MYO9B: variants seen among roughly 807,000 people sequenced by gnomAD.
MYO9B encodes the protein myosin IXB, also known as unconventional myosin-IXb.
In MYO9B, 71 loss-of-function variants were observed where a neutral mutation model predicts 229.5. That is an observed-to-expected ratio of 0.31 (90% CI 0.26 to 0.38). The LOEUF is 0.38. Ranked by LOEUF, MYO9B falls within the 10% of genes least tolerant of loss-of-function variation. MYO9B has a pLI of 1.00. For missense variants in MYO9B, 2,255 were observed against 2,920.5 expected, an observed-to-expected ratio of 0.77 and a Z score of 5.25; for synonymous variants, 1,185 against 1,235.8, an observed-to-expected ratio of 0.96 and a Z score of 0.86.
At chr19:17,187,020 G>A (rs1259199865) in intron 18 of MYO9B, among the ~76,000 whole-genome samples, 3 of 152,050 alleles carry the variant, frequency 2.0e-5, no homozygotes, top group African/African-American at 4.8e-5. Flanking sequence ...AAGCCACCGC[G>A]CCCAGCACCG....
chr19:17,101,694 T>C lies in MYO9B; in HGVS notation c.-24T>C. 6.5e-7 allele frequency: 1 copy of C among 1,539,976 alleles called. No homozygotes were observed. Among genetic ancestry groups the C allele is most frequent in the Non-Finnish European group, 8.7e-7 (1 of 1,148,030 alleles). On this transcript the variant is annotated 5_prime_UTR_variant, in exon 2 of 40. It removes an upstream start codon present in the reference 5' UTR. Transcript: ENST00000682292. This position sits in a 1 kb window ranked among gnomAD's most constrained non-coding sequence, Gnocchi z 4.7. ...ACGCGCGCCCCGAGCCTGGGAGGCA[T>C]GCTGAAGCCAGGCGGCCGGCAGGAT...
intron 2 of MYO9B, among the ~76,000 whole-genome samples, chr19:17,128,893 T>C (rs1262840227): frequency 6.6e-6 from 1 of 152,340 alleles, no homozygotes; most frequent in Admixed American, 6.5e-5. Context: ...ATCTCCCTCT[T>C]TCAGCCCCTT....
chr19:17,202,395 G>A (rs990670939), intron 28 of MYO9B, 92 bp downstream of exon 28: 43 of 1,291,604 alleles, frequency 3.3e-5, no homozygotes, highest in Non-Finnish European at 4.2e-5. Context: ...GCCTCACCAT[G>A]CTTATGCCAC....
chr19:17,086,888 A>AG (rs1358828422), intron 1 of MYO9B, among the ~76,000 whole-genome samples: 1 of 151,682 alleles, frequency 6.6e-6, no homozygotes, highest in East Asian at 1.9e-4. Context: ...TCAAAAAAAA[A>AG]AAAAGTCTCC....
chr19:17,140,155 C>G (rs896742924), intron 2 of MYO9B, among the ~76,000 whole-genome samples: 1 of 152,084 alleles, frequency 6.6e-6, no homozygotes, highest in African/African-American at 2.4e-5. Context: ...CTTATGGGAC[C>G]ACCGTCATAT....
At chr19:17,184,556 G>A (rs1599403040) in intron 16 of MYO9B, 1 of 312,868 alleles carries the variant, frequency 3.2e-6, no homozygotes, top group East Asian at 6.4e-5. Flanking sequence ...GCAGAGGAGA[G>A]GGACGGCCAG....
chr19:17,204,852 CA>C (rs1179583153), intron 30 of MYO9B, among the ~76,000 whole-genome samples: 11 of 151,894 alleles, frequency 7.2e-5, no homozygotes, highest in Non-Finnish European at 1.3e-4. Flanking sequence ...AAAGAGAAAC[CA>C]AAAAGAAGGC....
chr19:17,205,859 C>T (rs908418810), intron 31 of MYO9B, 101 bp from the exon 32 acceptor site: 5 of 1,169,652 alleles, frequency 4.3e-6, no homozygotes, highest in Non-Finnish European at 5.9e-6. Flanking sequence ...GCAGAGGAAG[C>T]CCTGAGGGCC....
At position 17,079,867 on chromosome 19, in the gene MYO9B, T is replaced by TTCTCTTCTGCCC. The variant is rs1421597340; in HGVS notation, c.-59+3996_-59+4007dup. Among the ~76,000 whole-genome samples the TTCTCTTCTGCCC allele has an allele frequency of 2.6e-5, 4 of 152,312 alleles. No individual in the cohort carries two copies. The East Asian group carries it at 7.7e-4, about 29-fold the overall frequency. On this transcript the variant is annotated intron_variant, in intron 1 of 39. Coordinates refer to ENST00000682292, the MANE Select transcript of MYO9B (RefSeq NM_004145.4). ...CCTCTCGGCAAAGCAAGACAAGCCC[T>TTCTCTTCTGCCC]TCTCTTCTGCCCTCGTGGTCCCTGG...
chr19:17,162,880 G>A lies in MYO9B; in HGVS notation c.1537-108G>A, dbSNP rs895625451. 4.0e-6 allele frequency: 5 copies of A among 1,241,134 alleles called. No individual in the cohort carries two copies. In the African/African-American group the frequency reaches 4.6e-5, roughly 11 times the overall value. 76.9% of individuals were successfully genotyped at this position (1,241,134 alleles called of 1,614,324 possible). A position where few individuals can be genotyped will look rare whatever the true frequency, so the allele number is the denominator to read the frequency against. On this transcript the variant is annotated intron_variant, in intron 9 of 39. Coordinates refer to ENST00000682292, the MANE Select transcript of MYO9B (RefSeq NM_004145.4). The stretch of plus-strand genomic sequence containing the variant: ...GGCAAAGTGTTCTGCCGAGCAACAG[G>A]GACTGGGGACCTAACAGGTCACAGC...
intron 1 of MYO9B, among the ~76,000 whole-genome samples, chr19:17,088,717 A>T (rs2057608169): frequency 6.7e-6 from 1 of 149,632 alleles, no homozygotes; most frequent in Non-Finnish European, 1.5e-5. Flanking sequence ...GAGAAACAGG[A>T]TCTGTCTCTG....
intron 31 of MYO9B, 58 bp from the exon 32 acceptor site, chr19:17,205,902 G>A: frequency 2.0e-6 from 3 of 1,487,636 alleles, no homozygotes; most frequent in South Asian, 2.7e-5. Context: ...GGCCCCCAGA[G>A]ACAGCTGGAG....
At chr19:17,205,844 G>A (rs2073153986) in intron 31 of MYO9B, 116 bp from the exon 32 acceptor site, 5 of 1,032,056 alleles carry the variant, frequency 4.8e-6, no homozygotes, top group Non-Finnish European at 6.8e-6. Context: ...GGGAGGGACA[G>A]AACAGCAGAG....
intron 1 of MYO9B, among the ~76,000 whole-genome samples, chr19:17,098,478 A>C (rs985869736): frequency 1.3e-5 from 2 of 152,154 alleles, no homozygotes; most frequent in Non-Finnish European, 2.9e-5. Context: ...GTCTGTTTGC[A>C]TACCAGTCTC....
chr19:17,212,167 T>A lies in MYO9B; in HGVS notation c.6331T>A (p.Tyr2111Asn). ...ARRPDQIHSVYITPGADLPVQ... is the reference protein window; with the variant it reads ...ARRPDQIHSVNITPGADLPVQ... ...CCGCCCGGACCAGATACATTCCGTGTACATCACGCCCGGGGCAGACCTGCC... is the reference window on the plus strand; with the variant it reads ...CCGCCCGGACCAGATACATTCCGTGAACATCACGCCCGGGGCAGACCTGCC... The change falls in exon 40 of 40, where the codon TAC (tyrosine) becomes AAC (asparagine). Residue 2111 changes from tyrosine to asparagine, a missense_variant. Coordinates refer to ENST00000682292, the MANE Select transcript of MYO9B (RefSeq NM_004145.4). This position sits in a 1 kb window ranked among gnomAD's most constrained non-coding sequence, Gnocchi z 5.4. 6.3e-7 allele frequency: 1 copy of A among 1,583,944 alleles called. No homozygotes were observed. Among genetic ancestry groups the A allele is most frequent in the African/African-American group, 1.3e-5 (1 of 74,238 alleles).
intron 1 of MYO9B, among the ~76,000 whole-genome samples, chr19:17,082,675 T>C (rs2057544071): frequency 6.6e-6 from 1 of 152,134 alleles, no homozygotes; most frequent in African/African-American, 2.4e-5. Context: ...CTGGGGTCCT[T>C]GTCTTGTCAC....
intron 35 of MYO9B, chr19:17,207,840 GTC>G (rs1384994306): frequency 2.6e-5 from 4 of 152,012 alleles, no homozygotes; most frequent in African/African-American, 9.7e-5. Flanking sequence ...GAGAAATCCT[GTC>G]TCTACTAAAA....
chr19:17,210,427 T>G, intron 37 of MYO9B, 47 bp downstream of exon 37: 1 of 1,533,000 alleles, frequency 6.5e-7, no homozygotes, highest in African/African-American at 1.4e-5. Flanking sequence ...CCCGGTGCAG[T>G]GCATGCTGGG....
chr19:17,175,822 T>TTC lies in MYO9B; in HGVS notation c.2219+83_2219+84dup. 4 of 854,214 alleles carry TTC rather than the reference T, an allele frequency of 4.7e-6. No individual in the cohort carries two copies. The South Asian group carries it at 7.6e-5, about 16-fold the overall frequency. The allele number at this position is 854,214 out of a possible 1,614,324, so 52.9% of individuals were successfully genotyped here. On this transcript the variant is annotated intron_variant, in intron 14 of 39. Transcript: ENST00000682292. ...TTCAAACAACTTAGGGAATGCTACA[T>TTC]TCTTTTTTTTTTTTTTTTTTTTCTT...
Sources: gnomAD v4.1 joint callset for allele counts (sites outside exome capture counted in the v4.1 genomes callset) on GRCh38, gnomAD v4.1.1 for gene constraint, Gnocchi (gnomAD v3.1) non-coding constraint, MANE v1.5 for transcripts, NCBI Gene and HGNC (gene_info 2026-07-23, HGNC 2026-07-21) for gene names.